DST: variants seen among roughly 807,000 people sequenced by gnomAD.
The protein encoded by DST is dystonin, also known as bullous pemphigoid antigen.
In DST, 253 loss-of-function variants were observed where a neutral mutation model predicts 875.2. The observed-to-expected ratio is 0.29, with a 90% CI of 0.26 to 0.32. DST has a LOEUF of 0.32. DST is among the 10% of genes least tolerant of loss of function. The pLI is 1.00. For missense variants in DST, 8,287 were observed against 9,111.6 expected (o/e 0.91, Z 3.68); for synonymous variants, 3,124 against 3,197.1 (o/e 0.98, Z 0.77).
chr6:56,954,777 G>C lies in DST; in HGVS notation c.-190C>G, dbSNP rs981292901. The C allele has an allele frequency of 1.7e-5, 3 of 176,868 alleles. No individual in the cohort carries two copies. The Admixed American group carries it at 2.0e-4, about 12-fold the overall frequency. 11.0% of individuals were successfully genotyped at this position (176,868 alleles called of 1,614,324 possible). A position where few individuals can be genotyped will look rare whatever the true frequency, so the allele number is the denominator to read the frequency against. ...CCAGCCGCGCTACGCGAGTGATCCA[G>C]GGCTGCGGGGAGCGCTTGCCATGAC... is the stretch of plus-strand genomic sequence containing the variant. On this transcript the variant is annotated 5_prime_UTR_variant, in exon 1 of 104. Coordinates refer to ENST00000680361, the MANE Select transcript of DST (RefSeq NM_001374736.1).
At chr6:56,916,737 T>A (rs1267744968) in intron 2 of DST, among the ~76,000 whole-genome samples, 5 of 132,022 alleles carry the variant, frequency 3.8e-5, no homozygotes, top group African/African-American at 1.6e-4. Context: ...TGAGACAAGA[T>A]CTTCTCTCTC....
intron 5 of DST, among the ~76,000 whole-genome samples, chr6:56,712,569 A>G (rs981857886): frequency 6.6e-6 from 1 of 152,224 alleles, no homozygotes; most frequent in Admixed American, 6.5e-5. Flanking sequence ...CTAATTAGAC[A>G]TAGTTCATCT....
chr6:56,572,785 G>C lies in DST; in HGVS notation c.13516C>G (p.Pro4506Ala). 2 of 1,604,958 alleles carry C rather than the reference G, an allele frequency of 1.2e-6. No individual in the cohort carries two copies. Among genetic ancestry groups the C allele is most frequent in the Non-Finnish European group, 1.7e-6 (2 of 1,176,358 alleles). ...KTQALTEVDV[P>A]GKDVTELSQY... ...GACAATTCAGTAACATCTTTTCCTG[G>C]CACATCTACTTCAGTAAGAGCCTGA... Residue 4506 changes from proline to alanine, a missense_variant, in exon 52 of 104, where the codon CCA (proline) becomes GCA (alanine). Coordinates refer to ENST00000680361, the MANE Select transcript of DST (RefSeq NM_001374736.1).
chr6:56,566,591 C>A (rs368613743), intron 55 of DST, among the ~76,000 whole-genome samples: 2 of 152,262 alleles, frequency 1.3e-5, no homozygotes, highest in Admixed American at 6.5e-5. Context: ...AGAAATCACC[C>A]GCCTTCTGCA....
intron 4 of DST, among the ~76,000 whole-genome samples, chr6:56,792,245 G>A (rs2099726898): frequency 6.6e-6 from 1 of 151,590 alleles, no homozygotes; most frequent in African/African-American, 2.4e-5. Flanking sequence ...TCTTCTTTGT[G>A]GAAGAAAGCC....
chr6:56,561,203 G>C, intron 57 of DST, 105 bp downstream of exon 57: 1 of 1,262,268 alleles, frequency 7.9e-7, no homozygotes. Context: ...AAAGGTTACA[G>C]AGCTAGAAAA....
Position 56,504,198 on chromosome 6 carries a change from T to C in DST, c.19465-100A>G, listed in dbSNP as rs2096239422. On this transcript the variant is annotated intron_variant, in intron 77 of 103. Coordinates refer to ENST00000680361, the MANE Select transcript of DST (RefSeq NM_001374736.1). ...AAAATACAATCATAAATCTAAAAGA[T>C]ATTATAGAATTAGACTATTTTATAA... 3 of 746,638 alleles carry C rather than the reference T, an allele frequency of 4.0e-6. No individual in the cohort carries two copies. The African/African-American group carries it at 5.6e-5, about 14-fold the overall frequency. 46.3% of individuals were successfully genotyped at this position (746,638 alleles called of 1,614,324 possible).
intron 3 of DST, among the ~76,000 whole-genome samples, chr6:56,889,488 T>G (rs1291705330): frequency 6.6e-6 from 1 of 152,200 alleles, no homozygotes; most frequent in Non-Finnish European, 1.5e-5. Flanking sequence ...GCTCAGAGGC[T>G]AAGATTTTGC....
At chr6:56,624,263 T>C (rs544496658) in intron 36 of DST, 1 of 604,552 alleles carries the variant, frequency 1.7e-6, no homozygotes, top group African/African-American at 1.8e-5. Context: ...ATTTAAGACA[T>C]TAACCCCACC....
chr6:56,603,507 T>C lies in DST; in HGVS notation c.10941+57A>G, dbSNP rs1406292405. 3.8e-6 allele frequency: 6 copies of C among 1,588,962 alleles called. No homozygotes were observed. In the East Asian group the frequency reaches 8.9e-5, roughly 24 times the overall value. ...AAACATAGAAGTGTTCTGCTTCTTT[T>C]TCCCAGTCATACATCAGCTGACTAC... On this transcript the variant is annotated intron_variant, in intron 41 of 103. Transcript: ENST00000680361.
At chr6:56,944,992 C>T (rs951192760) in intron 2 of DST, among the ~76,000 whole-genome samples, 1 of 152,160 alleles carries the variant, frequency 6.6e-6, no homozygotes, top group Admixed American at 6.5e-5. Context: ...CTGTGCCAAC[C>T]ATTCTCCAAC....
chr6:56,618,872 T>C, intron 36 of DST: 1 of 1,614,130 alleles, frequency 6.2e-7, no homozygotes, highest in Non-Finnish European at 8.5e-7. Flanking sequence ...GTGTAATTCG[T>C]CTTGTACTTT....
intron 7 of DST, 149 bp from the exon 8 acceptor site, chr6:56,702,114 C>T (rs2099311051): frequency 3.7e-6 from 2 of 534,302 alleles, no homozygotes; most frequent in Non-Finnish European, 6.7e-6. Flanking sequence ...GTTTCAATTT[C>T]TTTATATTGT....
At chr6:56,783,568 A>G (rs925856873) in intron 4 of DST, among the ~76,000 whole-genome samples, 2 of 151,376 alleles carry the variant, frequency 1.3e-5, no homozygotes, top group Non-Finnish European at 2.9e-5. Flanking sequence ...TTTGTTTTCC[A>G]TTTGCTTGGT....
chr6:56,626,602 C>T (rs1247362472), intron 34 of DST, among the ~76,000 whole-genome samples: 1 of 152,104 alleles, frequency 6.6e-6, no homozygotes, highest in Non-Finnish European at 1.5e-5. Context: ...CGGAATATAT[C>T]CCCTTTGCTA....
intron 4 of DST, among the ~76,000 whole-genome samples, chr6:56,745,958 G>A (rs1251591136): frequency 6.6e-6 from 1 of 152,158 alleles, no homozygotes; most frequent in Non-Finnish European, 1.5e-5. Context: ...TAATGTGGGT[G>A]TGTAAAATGG....
At chr6:56,902,017 GAAGCTGAGTAT>G (rs1299403439) in intron 2 of DST, among the ~76,000 whole-genome samples, 1 of 152,218 alleles carries the variant, frequency 6.6e-6, no homozygotes, top group Non-Finnish European at 1.5e-5. Context: ...ATCAATGAAT[GAAGCTGAGTAT>G]AGTTACATTT....
intron 9 of DST, among the ~76,000 whole-genome samples, chr6:56,687,127 T>C (rs1042613162): frequency 2.0e-5 from 3 of 152,204 alleles, no homozygotes; most frequent in African/African-American, 7.2e-5. Flanking sequence ...GTAGAAATGA[T>C]AGTCAAATGT....
intron 87 of DST, 74 bp downstream of exon 87, chr6:56,487,030 C>A: frequency 6.9e-7 from 1 of 1,443,788 alleles, no homozygotes; most frequent in Non-Finnish European, 9.5e-7. Context: ...CCCGAAATGT[C>A]CCCGCAAAGC....
Sources: allele counts gnomAD v4.1 joint callset (sites outside exome capture counted in the v4.1 genomes callset), GRCh38; gene constraint gnomAD v4.1.1; transcripts MANE v1.5; gene names NCBI Gene and HGNC (gene_info 2026-07-23, HGNC 2026-07-21).